HPRT1: variants seen among roughly 807,000 people sequenced by gnomAD.
HPRT1 encodes the protein hypoxanthine phosphoribosyltransferase 1, also known as hypoxanthine-guanine phosphoribosyltransferase.
HPRT1 carries 4 observed loss-of-function variants against 19.0 expected under a neutral mutation model. The ratio of observed to expected loss-of-function variants is 0.21; its 90% CI spans 0.10 to 0.48. The LOEUF (loss-of-function observed/expected upper bound fraction) is 0.48. HPRT1 is among the 20% of genes least tolerant of loss of function. HPRT1 has a pLI of 0.98. For synonymous variants in HPRT1, 53 were observed against 54.9 expected, an observed-to-expected ratio of 0.97 and a Z score of 0.15; for missense variants, 65 against 164.0, an observed-to-expected ratio of 0.40 and a Z score of 3.30.
intron 3 of HPRT1, among the ~76,000 whole-genome samples, chrX:134,484,212 T>C (rs935183803): frequency 6.6e-4 from 74 of 112,317 alleles, no homozygotes; most frequent in Non-Finnish European, 9.4e-5. Flanking sequence ...TCAACTGGAG[T>C]TGGACTGTAA....
chrX:134,489,863 A>G (rs1199753243), intron 4 of HPRT1, among the ~76,000 whole-genome samples: 1 of 112,052 alleles, frequency 8.9e-6, no homozygotes, highest in Non-Finnish European at 1.9e-5. Flanking sequence ...AACTGCTTCA[A>G]GTTTCATTTA....
intron 6 of HPRT1, among the ~76,000 whole-genome samples, chrX:134,497,030 G>T (rs2077682340): frequency 8.9e-6 from 1 of 111,912 alleles, no homozygotes; most frequent in Non-Finnish European, 1.9e-5. Flanking sequence ...TTTTCAACAG[G>T]CAGCATTTGG....
At chrX:134,499,582 A>G (rs1249489927) in intron 8 of HPRT1, among the ~76,000 whole-genome samples, 1 of 111,446 alleles carries the variant, frequency 9.0e-6, no homozygotes, top group Non-Finnish European at 1.9e-5. Context: ...AGGCGGGCGG[A>G]TCACAAGGTC....
chrX:134,461,997 G>T (rs1265373117), intron 1 of HPRT1, among the ~76,000 whole-genome samples: 1 of 110,255 alleles, frequency 9.1e-6, no homozygotes, highest in African/African-American at 3.3e-5. Flanking sequence ...TTGAGACAGG[G>T]TCTCACTCTG....
intron 4 of HPRT1, among the ~76,000 whole-genome samples, chrX:134,489,014 A>T (rs2077660398): frequency 8.9e-6 from 1 of 112,066 alleles, no homozygotes; most frequent in African/African-American, 3.2e-5. Flanking sequence ...AATAGTATGA[A>T]TTGCTTGCCA....
intron 1 of HPRT1, among the ~76,000 whole-genome samples, chrX:134,470,929 T>A (rs968154514): frequency 9.3e-6 from 1 of 108,079 alleles, no homozygotes; most frequent in African/African-American, 3.3e-5. Context: ...GAGAAAAAAA[T>A]TTTTTTTATT....
chrX:134,474,783 T>C (rs1304051522), intron 2 of HPRT1, among the ~76,000 whole-genome samples: 1 of 111,826 alleles, frequency 8.9e-6, no homozygotes, highest in African/African-American at 3.3e-5. Flanking sequence ...TTAAAAAAAA[T>C]TATGATAGTG....
At chrX:134,476,986 T>C (rs2077626598) in intron 3 of HPRT1, among the ~76,000 whole-genome samples, 1 of 110,064 alleles carries the variant, frequency 9.1e-6, no homozygotes, top group Admixed American at 9.8e-5. Flanking sequence ...TCTATGTAGA[T>C]ATACTATTTT....
chrX:134,474,484 A>G (rs1245694137), intron 2 of HPRT1, among the ~76,000 whole-genome samples: 1 of 105,816 alleles, frequency 9.5e-6, no homozygotes, highest in East Asian at 2.9e-4. Context: ...CAGCAGAATG[A>G]TCACAGTTCA....
chrX:134,473,327 C>A, intron 1 of HPRT1, 32 bp from the exon 2 acceptor site: 1 of 819,556 alleles, frequency 1.2e-6, no homozygotes, highest in Non-Finnish European at 1.9e-6. Flanking sequence ...TCCTGTAATG[C>A]TCTCATTGAA....
chrX:134,500,263 A>G lies in HPRT1; in HGVS notation c.*186A>G, dbSNP rs1458872720. The G allele has an allele frequency of 4.6e-6, 2 of 437,653 alleles. No individual in the cohort carries two copies. The highest frequency in any genetic ancestry group is 3.8e-5 in the East Asian group (1 of 26,053). 36.1% of individuals were successfully genotyped at this position (437,653 alleles called of 1,213,427 possible). On this transcript the variant is annotated 3_prime_UTR_variant, in exon 9 of 9. Transcript: ENST00000298556. ...CATTCCTAAACTGTTTATTTGCACTATGAGCCTATAGACTATCAGTTCCCT... is the reference window on the plus strand; with the variant it reads ...CATTCCTAAACTGTTTATTTGCACTGTGAGCCTATAGACTATCAGTTCCCT...
At chrX:134,491,886 C>T (rs1413571747) in intron 5 of HPRT1, among the ~76,000 whole-genome samples, 2 of 104,135 alleles carry the variant, frequency 1.9e-5, no homozygotes, top group African/African-American at 7.0e-5. Flanking sequence ...TGTGCGCCAC[C>T]ATGCCTGGCT....
intron 1 of HPRT1, among the ~76,000 whole-genome samples, chrX:134,463,572 C>T (rs1163987261): frequency 9.0e-6 from 1 of 111,374 alleles, no homozygotes; most frequent in African/African-American, 3.3e-5. Context: ...GCACTGTGAC[C>T]TGCATACTAC....
chrX:134,478,336 C>T (rs1352478489), intron 3 of HPRT1, among the ~76,000 whole-genome samples: 1 of 111,642 alleles, frequency 9.0e-6, no homozygotes, highest in Non-Finnish European at 1.9e-5. Flanking sequence ...AGAAAACATA[C>T]GGCTGGGTGC....
intron 6 of HPRT1, among the ~76,000 whole-genome samples, chrX:134,497,632 CA>C: frequency 9.8e-6 from 1 of 101,780 alleles, no homozygotes; most frequent in East Asian, 3.2e-4. Context: ...AACTCCATCT[CA>C]AAAAAAAGAA....
intron 6 of HPRT1, among the ~76,000 whole-genome samples, chrX:134,495,944 C>T (rs17883196): frequency 8.9e-6 from 1 of 112,315 alleles, no homozygotes; most frequent in African/African-American, 3.2e-5. Context: ...TACTTCATCC[C>T]TTGTTTTGGC....
chrX:134,461,564 G>T (rs1259282431), intron 1 of HPRT1, among the ~76,000 whole-genome samples: 1 of 112,062 alleles, frequency 8.9e-6, no homozygotes, highest in Non-Finnish European at 1.9e-5. Context: ...TATATCTGAG[G>T]TGCTGGCTAC....
chrX:134,474,361 T>C (rs1044370468), intron 2 of HPRT1, among the ~76,000 whole-genome samples: 5 of 111,207 alleles, frequency 4.5e-5, no homozygotes, highest in Admixed American at 3.9e-4. Flanking sequence ...CTCTAAGAAG[T>C]TGAATCATTT....
chrX:134,478,932 C>T (rs2077632299), intron 3 of HPRT1, among the ~76,000 whole-genome samples: 1 of 112,271 alleles, frequency 8.9e-6, no homozygotes, highest in Non-Finnish European at 1.9e-5. Flanking sequence ...AAATTGCCAT[C>T]AATTGTAATA....
Sources: gnomAD v4.1 joint callset for allele counts (sites outside exome capture counted in the v4.1 genomes callset) on GRCh38, gnomAD v4.1.1 for gene constraint, MANE v1.5 for transcripts, NCBI Gene and HGNC (gene_info 2026-07-23, HGNC 2026-07-21) for gene names.